AAR2: variants seen among roughly 807,000 people sequenced by gnomAD.
AAR2 encodes protein AAR2 homolog.
Under a neutral mutation model 26.9 loss-of-function variants are expected in AAR2, and 31 were observed. That is an observed-to-expected ratio of 1.15 (90% CI 0.86 to 1.55). The LOEUF (loss-of-function observed/expected upper bound fraction) is 1.55. Ranked by LOEUF, AAR2 falls within the 40% of genes most tolerant of loss-of-function variation. The pLI is 0.00. For missense variants in AAR2, 430 were observed against 491.3 expected (o/e 0.88, Z 1.18); for synonymous variants, 188 against 196.1 (o/e 0.96, Z 0.34).
intron 3 of AAR2, among the ~76,000 whole-genome samples, chr20:36,248,158 C>G (rs932243514): frequency 1.3e-5 from 2 of 152,070 alleles, no homozygotes; most frequent in African/African-American, 4.8e-5. Flanking sequence ...GTCTCAATCT[C>G]TGTCTCTCTT....
intron 3 of AAR2, among the ~76,000 whole-genome samples, chr20:36,252,204 C>G (rs2064785358): frequency 6.6e-6 from 1 of 152,164 alleles, no homozygotes; most frequent in Admixed American, 6.5e-5. Context: ...TTAGGATGAG[C>G]CTTTCTTTCT....
chr20:36,238,416 T>C (rs2064640741), intron 1 of AAR2, among the ~76,000 whole-genome samples: 1 of 152,168 alleles, frequency 6.6e-6, no homozygotes, highest in South Asian at 2.1e-4. Flanking sequence ...CTCTTATTTT[T>C]GGAAAAGGAT....
intron 1 of AAR2, among the ~76,000 whole-genome samples, chr20:36,238,676 A>C (rs910008309): frequency 2.0e-5 from 3 of 151,582 alleles, no homozygotes; most frequent in Non-Finnish European, 2.9e-5. Context: ...GAATTGCTTG[A>C]ACCCGGGAGG....
chr20:36,240,549 G>A lies in AAR2; in HGVS notation c.681G>A (p.Lys227=), dbSNP rs767869107. The change falls in exon 2 of 4, where the codon AAG becomes AAA. Residue 227 remains lysine (K), a synonymous_variant. Transcript: ENST00000320849. ...GTGCCACGCCAGCTGAGATAACCAA[G>A]CACAGCATGGACCTGAGCTATGCCC... ...PEGATPAEIT[K]HSMDLSYALE... is the part of the protein sequence containing the mutation. 1 of 1,613,858 alleles carries A rather than the reference G, an allele frequency of 6.2e-7. No homozygotes were observed. The highest frequency in any genetic ancestry group is 1.7e-5 in the Admixed American group (1 of 60,024).
At chr20:36,247,869 C>G (rs547702158) in intron 3 of AAR2, among the ~76,000 whole-genome samples, 14 of 147,458 alleles carry the variant, frequency 9.5e-5, no homozygotes, top group African/African-American at 3.1e-4. Flanking sequence ...GACTTTGTCT[C>G]AAAAAAAAAT....
At chr20:36,242,820 T>C (rs1226149819) in intron 2 of AAR2, among the ~76,000 whole-genome samples, 3 of 151,936 alleles carry the variant, frequency 2.0e-5, no homozygotes, top group Non-Finnish European at 2.9e-5. Flanking sequence ...AAATATATCT[T>C]GCGAAAAGGT....
intron 2 of AAR2, among the ~76,000 whole-genome samples, chr20:36,243,386 A>G (rs2064702721): frequency 6.6e-6 from 1 of 152,260 alleles, no homozygotes; most frequent in African/African-American, 2.4e-5. Context: ...CCAGGTAGCT[A>G]TTCACACAAA....
chr20:36,244,602 G>A (rs928542035), intron 2 of AAR2, 95 bp from the exon 3 acceptor site: 1 of 1,198,096 alleles, frequency 8.3e-7, no homozygotes, highest in Non-Finnish European at 1.2e-6. Flanking sequence ...CTGTTGCTGA[G>A]GTCCAGTGGA....
intron 2 of AAR2, among the ~76,000 whole-genome samples, chr20:36,242,138 G>A (rs1452115301): frequency 6.8e-6 from 1 of 146,672 alleles, no homozygotes; most frequent in Non-Finnish European, 1.5e-5. Context: ...TTGAATGTAG[G>A]ACTTCTTTTT....
At position 36,240,137 on chromosome 20, in the gene AAR2, G is replaced by A. The variant is rs375291820; in HGVS notation, c.269G>A (p.Arg90His). Reference sequence around the variant, plus strand: ...CACCAGCGGGGGCTGACAGTGCTGCGCTGGAGCACACTCAGGGAAGAGGTA... The same window carrying A: ...CACCAGCGGGGGCTGACAGTGCTGCACTGGAGCACACTCAGGGAAGAGGTA... ...SLHQRGLTVL[R>H]WSTLREEVDL... Residue 90 changes from arginine (R) to histidine (H), a missense_variant, in exon 2 of 4, where the codon CGC (arginine) becomes CAC (histidine). By Grantham distance (29) the Arg-to-His change is conservative. Transcript: ENST00000320849. The A allele has an allele frequency of 6.2e-6, 10 of 1,614,068 alleles. No homozygotes were observed. The highest frequency in any genetic ancestry group is 2.2e-5 in the East Asian group (1 of 44,888).
intron 3 of AAR2, among the ~76,000 whole-genome samples, chr20:36,248,058 C>T (rs1435028349): frequency 6.6e-6 from 1 of 152,142 alleles, no homozygotes; most frequent in Admixed American, 6.5e-5. Flanking sequence ...CTTGCCGGAA[C>T]CTGATTTTCC....
At chr20:36,255,484 C>A in intron 3 of AAR2, 94 bp from the exon 4 acceptor site, 1 of 1,443,574 alleles carries the variant, frequency 6.9e-7, no homozygotes, top group Non-Finnish European at 9.6e-7. Context: ...TCTACCCGCC[C>A]CAGAAGAGCC....
At chr20:36,246,425 A>G (rs2064735129) in intron 3 of AAR2, among the ~76,000 whole-genome samples, 2 of 152,258 alleles carry the variant, frequency 1.3e-5, no homozygotes, top group African/African-American at 2.4e-5. Flanking sequence ...TGTTCCACTC[A>G]GAAGAGCTAT....
Position 36,255,693 on chromosome 20 carries a change from A to C in AAR2, c.1103A>C (p.Glu368Ala). ...CGGTGGGACTTTGCTGCGGAACCTG[A>C]GGACTGTGCCCCGGTGGTGGTGGAG... ...KFRWDFAAEPEDCAPVVVELP... is the reference protein window; with the variant it reads ...KFRWDFAAEPADCAPVVVELP... The change falls in exon 4 of 4, where the codon GAG becomes GCG. Residue 368 changes from glutamate to alanine, a missense_variant. Physicochemically the swap from Glu to Ala is moderately radical, Grantham distance 107. Coordinates refer to ENST00000320849, the MANE Select transcript of AAR2 (RefSeq NM_001271874.2). 2 of 1,614,130 alleles carry C rather than the reference A, an allele frequency of 1.2e-6. No individual in the cohort carries two copies. Among genetic ancestry groups the C allele is most frequent in the Non-Finnish European group, 1.7e-6 (2 of 1,180,028 alleles).
intron 1 of AAR2, among the ~76,000 whole-genome samples, chr20:36,238,755 CAAAAAAAAAA>C (rs59138282): frequency 1.6e-5 from 1 of 62,766 alleles, no homozygotes; most frequent in East Asian, 4.7e-4. Context: ...GACCCTGTCT[CAAAAAAAAAA>C]AAAAAAAAAG....
chr20:36,247,071 A>G (rs914302644), intron 3 of AAR2, among the ~76,000 whole-genome samples: 18 of 152,248 alleles, frequency 1.2e-4, no homozygotes, highest in Admixed American at 3.3e-4. Context: ...TGAGCAAGAC[A>G]GAGTCATTGT....
chr20:36,245,115 T>C (rs1006712270), intron 3 of AAR2, among the ~76,000 whole-genome samples, 189 bp downstream of exon 3: 1 of 152,116 alleles, frequency 6.6e-6, no homozygotes, highest in African/African-American at 2.4e-5. Flanking sequence ...ATTTTCTCTC[T>C]GTACCACCCT....
At position 36,240,639 on chromosome 20, in the gene AAR2, A is replaced by G; in HGVS notation, c.757+14A>G. On this transcript the variant is annotated intron_variant, in intron 2 of 3. Transcript: ENST00000320849. ...AGGATGTGCTTGGTGAGAAGGAACA[A>G]GGCTCTTTGGGAGTGGGCCAAGGGG... 1.2e-6 allele frequency: 2 copies of G among 1,603,574 alleles called. No homozygotes were observed. Among genetic ancestry groups the G allele is most frequent in the Non-Finnish European group, 8.5e-7 (1 of 1,173,342 alleles).
intron 3 of AAR2, among the ~76,000 whole-genome samples, chr20:36,247,817 C>A (rs1341067020): frequency 1.3e-5 from 2 of 151,886 alleles, no homozygotes; most frequent in Non-Finnish European, 2.9e-5. Flanking sequence ...TGCAGTGATT[C>A]GAGATTGCAC....
Sources: allele counts gnomAD v4.1 joint callset (sites outside exome capture counted in the v4.1 genomes callset), GRCh38; gene constraint gnomAD v4.1.1; transcripts MANE v1.5; gene names NCBI Gene and HGNC (gene_info 2026-07-23, HGNC 2026-07-21).